Variants in PTPRG observed in about 807,000 individuals in gnomAD.
PTPRG encodes the protein protein tyrosine phosphatase receptor type G.
A neutral mutation model predicts 165.3 loss-of-function variants in PTPRG; 102 were observed. That is an observed-to-expected ratio of 0.62 (90% confidence interval 0.53 to 0.73). The LOEUF (loss-of-function observed/expected upper bound fraction) is 0.73. Among genes scored for constraint, PTPRG ranks in the 30% least tolerant of loss-of-function variants. PTPRG has a pLI of 0.00. For synonymous variants in PTPRG, 675 were observed against 669.5 expected (o/e 1.01, Z -0.13); for missense variants, 1,866 against 1,861.4 (o/e 1.00, Z -0.05).
chr3:61,988,309 T>G (rs142107404), intron 2 of PTPRG, among the ~76,000 whole-genome samples: 13 of 152,326 alleles, frequency 8.5e-5, no homozygotes, highest in African/African-American at 3.1e-4. Flanking sequence ...TAATGGAAAA[T>G]ACTTTCTGTG....
At chr3:61,618,232 A>G (rs1409112345) in intron 1 of PTPRG, among the ~76,000 whole-genome samples, 2 of 152,216 alleles carry the variant, frequency 1.3e-5, no homozygotes, top group Non-Finnish European at 2.9e-5. Context: ...AAATTGTCTT[A>G]ACATAATCCA....
intron 2 of PTPRG, among the ~76,000 whole-genome samples, chr3:61,923,184 A>G (rs2039121449): frequency 6.6e-6 from 1 of 152,154 alleles, no homozygotes; most frequent in Non-Finnish European, 1.5e-5. Flanking sequence ...CCATAATTTG[A>G]GCCCATTAAC....
In PTPRG at chr3:61,966,820, C is replaced by G. The variant is rs527748007; in HGVS notation, c.191-22805C>G. On this transcript the variant is annotated intron_variant, in intron 2 of 29. Transcript: ENST00000474889. ...TGGATTTGTCTTGAATCAACACTGG[C>G]ATAGCAAGCACTTTGTTTCTGCTTA... is the stretch of plus-strand genomic sequence containing the variant. Among the ~76,000 whole-genome samples, 4 of 152,326 alleles carry G rather than the reference C, an allele frequency of 2.6e-5. No homozygotes were observed. The South Asian group carries it at 8.3e-4, about 32-fold the overall frequency.
At chr3:61,870,011 C>T (rs1205292308) in intron 2 of PTPRG, among the ~76,000 whole-genome samples, 3 of 152,060 alleles carry the variant, frequency 2.0e-5, no homozygotes, top group East Asian at 1.9e-4. Context: ...CCTCCCCCTT[C>T]GACTTGTCCT....
intron 4 of PTPRG, among the ~76,000 whole-genome samples, chr3:62,023,313 T>C (rs1357612429): frequency 6.6e-6 from 1 of 152,176 alleles, no homozygotes; most frequent in African/African-American, 2.4e-5. Flanking sequence ...AAAGATAGAA[T>C]TAATCAAAAA....
chr3:61,817,166 T>C (rs988896517), intron 2 of PTPRG, among the ~76,000 whole-genome samples: 2 of 129,718 alleles, frequency 1.5e-5, no homozygotes, highest in African/African-American at 2.9e-5. Context: ...ATATATAATA[T>C]ATAATAATAT....
At chr3:62,135,369 T>C (rs897582705) in intron 6 of PTPRG, among the ~76,000 whole-genome samples, 1 of 152,160 alleles carries the variant, frequency 6.6e-6, no homozygotes, top group African/African-American at 2.4e-5. Flanking sequence ...ATCTATTAAT[T>C]TGAAGGAACA....
intron 6 of PTPRG, among the ~76,000 whole-genome samples, chr3:62,137,886 C>G (rs1333531457): frequency 6.6e-6 from 1 of 152,188 alleles, no homozygotes; most frequent in Non-Finnish European, 1.5e-5. Flanking sequence ...ACTTATCGAG[C>G]TTTTTTACTG....
At chr3:61,849,414 T>G (rs1182234264) in intron 2 of PTPRG, among the ~76,000 whole-genome samples, 3 of 152,158 alleles carry the variant, frequency 2.0e-5, no homozygotes, top group Non-Finnish European at 4.4e-5. Flanking sequence ...TGAAAAGATA[T>G]GTGTAGGTGA....
chr3:61,771,111 A>G (rs988437775), intron 2 of PTPRG: 8 of 152,310 alleles, frequency 5.3e-5, no homozygotes, highest in African/African-American at 1.7e-4. Flanking sequence ...GTTGAGCTCA[A>G]TGAAAAGAAG....
At chr3:61,866,612 T>TC (rs2037418095) in intron 2 of PTPRG, among the ~76,000 whole-genome samples, 1 of 95,848 alleles carries the variant, frequency 1.0e-5, no homozygotes, top group Non-Finnish European at 2.0e-5. Context: ...TTTTTTTTTT[T>TC]TTTTTTGAGA....
At chr3:62,102,452 T>C (rs1702325044) in intron 5 of PTPRG, among the ~76,000 whole-genome samples, 1 of 152,092 alleles carries the variant, frequency 6.6e-6, no homozygotes, top group Non-Finnish European at 1.5e-5. Flanking sequence ...TTTGTATTTT[T>C]AGTAGAGATG....
chr3:61,754,425 T>G (rs190337417), intron 2 of PTPRG, among the ~76,000 whole-genome samples: 1 of 152,336 alleles, frequency 6.6e-6, no homozygotes, highest in East Asian at 1.9e-4. Flanking sequence ...ACATCTTGTT[T>G]TATAACATGC....
intron 4 of PTPRG, among the ~76,000 whole-genome samples, chr3:62,032,833 G>A (rs895509083): frequency 6.6e-6 from 1 of 152,180 alleles, no homozygotes; most frequent in Non-Finnish European, 1.5e-5. Context: ...GAGACTTAAA[G>A]AGTGGAGTGT....
chr3:61,713,406 C>T (rs1360058506), intron 1 of PTPRG, among the ~76,000 whole-genome samples: 4 of 150,920 alleles, frequency 2.7e-5, no homozygotes, highest in Non-Finnish European at 5.9e-5. Flanking sequence ...CTCCTGACCT[C>T]GTGATCCACC....
chr3:61,765,462 A>G (rs993337552), intron 2 of PTPRG, among the ~76,000 whole-genome samples: 1 of 152,170 alleles, frequency 6.6e-6, no homozygotes, highest in Non-Finnish European at 1.5e-5. Flanking sequence ...GTTAGGAAAT[A>G]ATATTCATCT....
At chr3:62,112,674 A>G (rs975945065) in intron 5 of PTPRG, among the ~76,000 whole-genome samples, 1 of 152,306 alleles carries the variant, frequency 6.6e-6, no homozygotes, top group African/African-American at 2.4e-5. Flanking sequence ...AGAGGCAGGG[A>G]CTGCAGTCAT....
chr3:62,157,106 T>C lies in PTPRG; in HGVS notation c.722T>C (p.Leu241Pro). Reference protein sequence around the residue: ...TFLDPFVLRDLLPASLGSYYR... With the variant: ...TFLDPFVLRDPLPASLGSYYR... The stretch of plus-strand genomic sequence containing the variant: ...CTGGATCCTTTCGTCCTCCGGGACC[T>C]CCTGCCTGCATCCCTGGGCAGCTAT... The change falls in exon 7 of 30, where the codon CTC (leucine) becomes CCC (proline). Residue 241 changes from leucine to proline, a missense_variant. Leu to Pro is a moderately conservative substitution (Grantham distance 98, BLOSUM62 -3). This residue lies in a region of PTPRG where 408 missense variants were observed against 376.2 expected (regional missense o/e 1.08). Transcript: ENST00000474889. The C allele has an allele frequency of 6.2e-7, 1 of 1,611,312 alleles. No individual in the cohort carries two copies. Among genetic ancestry groups the C allele is most frequent in the Non-Finnish European group, 8.5e-7 (1 of 1,177,424 alleles).
In PTPRG at chr3:62,292,556, T is replaced by C. The variant is rs1027776935; in HGVS notation, c.4191T>C (p.Ile1397=). 6.2e-7 allele frequency: 1 copy of C among 1,612,898 alleles called. No homozygotes were observed. The highest frequency in any genetic ancestry group is 1.3e-5 in the African/African-American group (1 of 74,966). Residue 1397 remains isoleucine, a splice_region_variant and synonymous_variant, in exon 29 of 30, where the codon ATT becomes ATC. Transcript: ENST00000474889. ...NLMRPGVFTD[I]EQYQFIYKAM... ...TGAGGCCTGGAGTATTCACAGACAT[T>C]GTAAGTAGTTTGCTTATGTGTAAAA...
Sources: allele counts gnomAD v4.1 joint callset (sites outside exome capture counted in the v4.1 genomes callset), GRCh38; gene constraint gnomAD v4.1.1; regional missense constraint gnomAD v4.1.1; transcripts MANE v1.5; gene names NCBI Gene and HGNC (gene_info 2026-07-23, HGNC 2026-07-21).